The following ZNF555 variants were observed in gnomAD, a reference collection of about 807,000 sequenced individuals.
The protein encoded by ZNF555 is zinc finger protein 555.
ZNF555 carries 10 observed loss-of-function variants against 14.0 expected under a neutral mutation model. The observed-to-expected ratio is 0.72, with a 90% confidence interval of 0.44 to 1.21. The LOEUF (loss-of-function observed/expected upper bound fraction) is 1.21, where lower values mean the gene tolerates loss of function less well. ZNF555 is among the 50% of genes most tolerant of loss of function. The pLI is 0.00. For synonymous variants in ZNF555, 277 were observed against 262.4 expected (o/e 1.06, Z -0.54); for missense variants, 747 against 762.0 (o/e 0.98, Z 0.23).
rs376321267 is a variant in ZNF555 at position 2,853,300 on chromosome 19, G to A, written c.1235G>A (p.Arg412Gln). The A allele has an allele frequency of 1.1e-4, 176 of 1,613,958 alleles. No individual in the cohort carries two copies. Among genetic ancestry groups the A allele is most frequent in the South Asian group, 3.0e-4 (27 of 91,084 alleles). The stretch of plus-strand genomic sequence containing the variant: ...GCATTCAGTCACCCCTCCTCCTTTC[G>A]AGGACACATGAGGGTGCACACTGGA... ...GKAFSHPSSFRGHMRVHTGEK... is the reference protein window; with the variant it reads ...GKAFSHPSSFQGHMRVHTGEK... Residue 412 changes from arginine (R) to glutamine (Q), a missense_variant, in exon 4 of 4, where the codon CGA (arginine) becomes CAA (glutamine). Arg to Gln is a conservative substitution (Grantham distance 43). Coordinates refer to ENST00000334241, the MANE Select transcript of ZNF555 (RefSeq NM_152791.5).
At chr19:2,845,334 A>C (rs1214448413) in intron 1 of ZNF555, among the ~76,000 whole-genome samples, 1 of 152,204 alleles carries the variant, frequency 6.6e-6, no homozygotes, top group African/African-American at 2.4e-5. Flanking sequence ...TCCATGGTAT[A>C]GATGGACCAC....
chr19:2,844,973 A>G (rs1320652169), intron 1 of ZNF555, among the ~76,000 whole-genome samples: 1 of 152,072 alleles, frequency 6.6e-6, no homozygotes, highest in African/African-American at 2.4e-5. Context: ...TTATTTTTTT[A>G]ATTTCCATTT....
rs1161082524 is a variant in ZNF555 at position 2,853,401 on chromosome 19, CATACT to C, written c.1338_1342del (p.His446GlnfsTer6). The stretch of plus-strand genomic sequence containing the variant: ...ATCTTTACGAAAACATATGAGAACA[CATACT>C]AGAGAGAAACCCTATGAATGTAAGC... On this transcript the variant is annotated frameshift_variant, in exon 4 of 4. Coordinates refer to ENST00000334241, the MANE Select transcript of ZNF555 (RefSeq NM_152791.5). LOFTEE classifies it low-confidence loss of function (END_TRUNC). 6.2e-7 allele frequency: 1 copy of C among 1,613,982 alleles called. No individual in the cohort carries two copies. Among genetic ancestry groups the C allele is most frequent in the Non-Finnish European group, 8.5e-7 (1 of 1,180,008 alleles).
chr19:2,841,690 G>C (rs2087537612), intron 1 of ZNF555, 115 bp downstream of exon 1: 2 of 1,260,914 alleles, frequency 1.6e-6, no homozygotes, highest in African/African-American at 1.6e-5. Flanking sequence ...CGAGGGCGGC[G>C]CAGGACGGGA....
At position 2,847,500 on chromosome 19, in the gene ZNF555, G is replaced by T. The variant is rs113920994; in HGVS notation, c.4-3087G>T. On this transcript the variant is annotated intron_variant, in intron 1 of 3. Transcript: ENST00000334241. ...CTAAAACTTAAAGTATAATAAAATG[G>T]TTAAGATGGTAAATTGTATGCTATA... 2.4e-3 allele frequency: 364 copies of T among 152,232 alleles called. 2 individuals carry two copies. Among genetic ancestry groups the T allele is most frequent in the African/African-American group, 8.3e-3 (343 of 41,524 alleles). 9.4% of individuals were successfully genotyped at this position (152,232 alleles called of 1,614,324 possible). A position where few individuals can be genotyped will look rare whatever the true frequency, so the allele number is the denominator to read the frequency against.
chr19:2,848,174 T>C (rs540592927), intron 1 of ZNF555, among the ~76,000 whole-genome samples: 1 of 150,524 alleles, frequency 6.6e-6, no homozygotes, highest in Non-Finnish European at 1.5e-5. Context: ...TTTTTTGAGC[T>C]GGAGTCTGGC....
Position 2,852,634 on chromosome 19 carries a change from A to C in ZNF555, c.569A>C (p.His190Pro). ...AYSCRSHLRM[H>P]VRTHNGERPY... ...AGTTGTCGTTCACACCTAAGAATGCATGTGAGAACCCACAATGGAGAGAGA... is the reference window on the plus strand; with the variant it reads ...AGTTGTCGTTCACACCTAAGAATGCCTGTGAGAACCCACAATGGAGAGAGA... Residue 190 changes from histidine (H) to proline (P), a missense_variant, in exon 4 of 4, where the codon CAT becomes CCT. His to Pro is a moderately conservative substitution (Grantham distance 77). Transcript: ENST00000334241. The C allele has an allele frequency of 6.2e-7, 1 of 1,614,236 alleles. No homozygotes were observed. The highest frequency in any genetic ancestry group is 8.5e-7 in the Non-Finnish European group (1 of 1,180,046).
chr19:2,850,858 G>T, intron 2 of ZNF555, 145 bp downstream of exon 2: 1 of 1,025,928 alleles, frequency 9.7e-7, no homozygotes, highest in African/African-American at 1.6e-5. Context: ...CATAGAGCTA[G>T]AATGTAATGT....
In ZNF555 at chr19:2,853,915, A is replaced by T; in HGVS notation, c.1850A>T (p.Asp617Val). The T allele has an allele frequency of 6.2e-7, 1 of 1,613,886 alleles. No individual in the cohort carries two copies. The highest frequency in any genetic ancestry group is 8.5e-7 in the Non-Finnish European group (1 of 1,180,018). The change falls in exon 4 of 4, where the codon GAT (aspartate) becomes GTT (valine). Residue 617 changes from aspartate to valine, a missense_variant. Transcript: ENST00000334241. ...SASEKSHQER[D>V]LIKVVNMVLP... ...TCAGAAAAGTCACACCAGGAGAGAG[A>T]TCTGATCAAAGTTGTAAATATGGTG...
intron 1 of ZNF555, among the ~76,000 whole-genome samples, chr19:2,841,888 C>T (rs1388470143): frequency 6.6e-6 from 1 of 151,730 alleles, no homozygotes; most frequent in Non-Finnish European, 1.5e-5. Flanking sequence ...CCCCCACGCC[C>T]CGCCCGGGGC....
In ZNF555 at chr19:2,859,187, C is replaced by T. The variant is rs1026166856; in HGVS notation, c.*5235C>T. 1.3e-5 allele frequency: 2 copies of T among 152,288 alleles called. No individual in the cohort carries two copies. The highest frequency in any genetic ancestry group is 4.8e-5 in the African/African-American group (2 of 41,458). The allele number at this position is 152,288 out of a possible 1,614,324, so 9.4% of individuals were successfully genotyped here. A position where few individuals can be genotyped will look rare whatever the true frequency, so the allele number is the denominator to read the frequency against. On this transcript the variant is annotated 3_prime_UTR_variant, in exon 4 of 4. Coordinates refer to ENST00000334241, the MANE Select transcript of ZNF555 (RefSeq NM_152791.5). ...AAGAGCTGTGCTTTGTTGGGGCTAT[C>T]TGGGAGTTTCCGCCTTCCATGAAGT... is the stretch of plus-strand genomic sequence containing the variant.
At chr19:2,849,689 T>C (rs541494195) in intron 1 of ZNF555, among the ~76,000 whole-genome samples, 3 of 151,404 alleles carry the variant, frequency 2.0e-5, no homozygotes, top group Admixed American at 6.6e-5. Flanking sequence ...GGTTTCACCA[T>C]GTTGGCCAGG....
At chr19:2,844,098 C>T (rs200746930) in intron 1 of ZNF555, among the ~76,000 whole-genome samples, 7,566 of 58,022 alleles carry the variant, frequency 0.13, 439 homozygotes, top group East Asian at 0.47. Flanking sequence ...TCTCTCTTTT[C>T]TTTTTTTTTT....
chr19:2,852,477 C>T lies in ZNF555; in HGVS notation c.412C>T (p.Pro138Ser). The change falls in exon 4 of 4, where the codon CCT (proline) becomes TCT (serine). Residue 138 changes from proline (P) to serine (S), a missense_variant. Physicochemically the swap from Pro to Ser is moderately conservative, Grantham distance 74 (BLOSUM62 -1). Coordinates refer to ENST00000334241, the MANE Select transcript of ZNF555 (RefSeq NM_152791.5). ...PHLNLYKKIP[P>S]GVKQYEYNTY... Reference sequence around the variant, plus strand: ...TCTTAATCTGTACAAGAAAATTCCACCTGGAGTAAAACAGTATGAATACAA... The same window carrying T: ...TCTTAATCTGTACAAGAAAATTCCATCTGGAGTAAAACAGTATGAATACAA... The T allele has an allele frequency of 6.2e-7, 1 of 1,614,156 alleles. No homozygotes were observed. The highest frequency in any genetic ancestry group is 2.2e-5 in the East Asian group (1 of 44,884).
chr19:2,852,999 C>T lies in ZNF555; in HGVS notation c.934C>T (p.His312Tyr), dbSNP rs2087646798. ...GATTTCACACACTGGAGAGAAGCCA[C>T]ATAAATGTAAAGAATGTGGGGAGGC... ...HMISHTGEKP[H>Y]KCKECGEAFS... Residue 312 changes from histidine (H) to tyrosine (Y), a missense_variant, in exon 4 of 4, where the codon CAT becomes TAT. Transcript: ENST00000334241. 1.9e-5 allele frequency: 30 copies of T among 1,613,786 alleles called. No individual in the cohort carries two copies. Among genetic ancestry groups the T allele is most frequent in the Non-Finnish European group, 2.4e-5 (28 of 1,179,944 alleles).
chr19:2,851,435 T>G, intron 2 of ZNF555, 33 bp from the exon 3 acceptor site: 1 of 1,534,896 alleles, frequency 6.5e-7, no homozygotes, highest in Non-Finnish European at 8.7e-7. Flanking sequence ...AACAAGTGCC[T>G]TCTTATATGA....
At position 2,850,724 on chromosome 19, in the gene ZNF555, C is replaced by A; in HGVS notation, c.130+11C>A. 3 of 1,612,800 alleles carry A rather than the reference C, an allele frequency of 1.9e-6. No individual in the cohort carries two copies. Among genetic ancestry groups the A allele is most frequent in the Non-Finnish European group, 2.5e-6 (3 of 1,179,160 alleles). ...ACCTGGCCTCAGTAGGTAAGGATGACATCATTCCTTCCTTCACGTAGTTAT... is the reference window on the plus strand; with the variant it reads ...ACCTGGCCTCAGTAGGTAAGGATGAAATCATTCCTTCCTTCACGTAGTTAT... On this transcript the variant is annotated intron_variant, in intron 2 of 3. Coordinates refer to ENST00000334241, the MANE Select transcript of ZNF555 (RefSeq NM_152791.5).
intron 2 of ZNF555, 140 bp downstream of exon 2, chr19:2,850,853 AGCT>A: frequency 1.9e-6 from 2 of 1,048,636 alleles, no homozygotes; most frequent in Non-Finnish European, 2.8e-6. Context: ...GCTGTCATAG[AGCT>A]AGAATGTAAT....
At chr19:2,841,620 C>T in intron 1 of ZNF555, 45 bp downstream of exon 1, 1 of 1,445,962 alleles carries the variant, frequency 6.9e-7, no homozygotes, top group Non-Finnish European at 9.2e-7. Context: ...GCAGCAGGAA[C>T]CGGCGACCGC....
Sources: allele counts gnomAD v4.1 joint callset (sites outside exome capture counted in the v4.1 genomes callset), GRCh38; gene constraint gnomAD v4.1.1; transcripts MANE v1.5; gene names NCBI Gene and HGNC (gene_info 2026-07-23, HGNC 2026-07-21).